Variants in TAFA5 observed in about 807,000 individuals in gnomAD.
The protein encoded by TAFA5 is TAFA chemokine like family member 5, also known as chemokine-like protein TAFA-5.
A neutral mutation model predicts 15.3 loss-of-function variants in TAFA5; 6 were observed. The observed-to-expected ratio is 0.39, with a 90% CI of 0.21 to 0.77. The LOEUF (loss-of-function observed/expected upper bound fraction) is 0.77. TAFA5 is among the 30% of genes least tolerant of loss of function. The pLI, the probability that TAFA5 is intolerant of heterozygous loss-of-function variation, is 0.41. For synonymous variants in TAFA5, 103 were observed against 80.7 expected, an observed-to-expected ratio of 1.28 and a Z score of -1.48; for missense variants, 161 against 193.1, an observed-to-expected ratio of 0.83 and a Z score of 0.98.
intron 2 of TAFA5, among the ~76,000 whole-genome samples, chr22:48,689,120 C>G (rs951020531): frequency 6.6e-6 from 1 of 152,126 alleles, no homozygotes; most frequent in African/African-American, 2.4e-5. Context: ...ACCTGCCTCC[C>G]AGGAGGACCC....
At chr22:48,542,638 A>ATGTGTGTGTGGTG (rs1569019339) in intron 1 of TAFA5, among the ~76,000 whole-genome samples, 3 of 84,880 alleles carry the variant, frequency 3.5e-5, no homozygotes, top group African/African-American at 1.5e-4. Flanking sequence ...TGGGTGTGTG[A>ATGTGTGTGTGGTG]TGTGTGTGTG....
At chr22:48,583,913 C>T (rs2147149888) in intron 1 of TAFA5, among the ~76,000 whole-genome samples, 1 of 143,808 alleles carries the variant, frequency 7.0e-6, no homozygotes, top group Non-Finnish European at 1.5e-5. Context: ...AAATAAACCT[C>T]ATACACCACA....
intron 2 of TAFA5, among the ~76,000 whole-genome samples, chr22:48,672,031 T>C (rs1176080777): frequency 6.6e-6 from 1 of 152,232 alleles, no homozygotes; most frequent in Non-Finnish European, 1.5e-5. Context: ...AGGGTGTTTG[T>C]AACACTGCTT....
chr22:48,697,335 CAGT>C (rs1601680111), intron 2 of TAFA5, among the ~76,000 whole-genome samples: 2 of 150,060 alleles, frequency 1.3e-5, no homozygotes, highest in East Asian at 3.9e-4. Flanking sequence ...GTTATGGTGA[CAGT>C]GGTGATGATG....
At chr22:48,524,977 C>T (rs530211805) in intron 1 of TAFA5, among the ~76,000 whole-genome samples, 1 of 152,224 alleles carries the variant, frequency 6.6e-6, no homozygotes, top group East Asian at 1.9e-4. Context: ...CCTCTTCCTC[C>T]ATCTTCAGAG....
intron 1 of TAFA5, among the ~76,000 whole-genome samples, chr22:48,574,080 T>C (rs1000215230): frequency 3.9e-5 from 6 of 152,180 alleles, no homozygotes; most frequent in Non-Finnish European, 7.3e-5. Flanking sequence ...AGATCTTTCC[T>C]AGAGAATGTC....
intron 2 of TAFA5, among the ~76,000 whole-genome samples, chr22:48,706,827 G>T (rs540344480): frequency 8.5e-5 from 13 of 152,306 alleles, no homozygotes; most frequent in Non-Finnish European, 1.6e-4. Context: ...TTCCCGCAGC[G>T]AAGGTTATGT....
chr22:48,695,794 GA>G (rs906547982), intron 2 of TAFA5, among the ~76,000 whole-genome samples: 11 of 152,110 alleles, frequency 7.2e-5, no homozygotes, highest in African/African-American at 2.4e-4. Context: ...CCTGGTGCTG[GA>G]AAAAAATAGG....
intron 1 of TAFA5, among the ~76,000 whole-genome samples, chr22:48,526,543 C>G (rs552042340): frequency 3.3e-5 from 5 of 152,228 alleles, no homozygotes; most frequent in African/African-American, 1.2e-4. Flanking sequence ...CTCTGCGTGC[C>G]GGCCTCACAA....
rs984159885 is a variant in TAFA5 at position 48,552,616 on chromosome 22, T to C, written c.112+62912T>C. ...TCATCTAGAACCCCCGTCGCAGGGC[T>C]CGGAGTTGCGGGCAGGGTGGGAGAC... On this transcript the variant is annotated intron_variant, in intron 1 of 3. Coordinates refer to ENST00000402357, the MANE Select transcript of TAFA5 (RefSeq NM_001082967.3). This position sits in a 1 kb window ranked among gnomAD's most constrained non-coding sequence, Gnocchi z 4.1. Among the ~76,000 whole-genome samples the C allele has an allele frequency of 4.6e-5, 7 of 152,068 alleles. No homozygotes were observed. The highest frequency in any genetic ancestry group is 7.4e-5 in the Non-Finnish European group (5 of 67,990).
chr22:48,547,929 A>T (rs984344537), intron 1 of TAFA5, among the ~76,000 whole-genome samples: 2 of 152,208 alleles, frequency 1.3e-5, no homozygotes, highest in Admixed American at 1.3e-4. Context: ...CAGAGTGGAA[A>T]TAGGGCGGTC....
intron 1 of TAFA5, among the ~76,000 whole-genome samples, chr22:48,639,289 G>A (rs1237454661): frequency 6.6e-6 from 1 of 152,226 alleles, no homozygotes; most frequent in East Asian, 1.9e-4. Context: ...CCTCAGGCCT[G>A]CGGGGCCCCT....
chr22:48,580,559 A>C (rs1442444190), intron 1 of TAFA5, among the ~76,000 whole-genome samples: 1 of 152,036 alleles, frequency 6.6e-6, no homozygotes, highest in African/African-American at 2.4e-5. Flanking sequence ...GATGCCCTTG[A>C]GGTTTCCCAG....
chr22:48,683,882 C>T (rs946122074), intron 2 of TAFA5, among the ~76,000 whole-genome samples: 1 of 152,136 alleles, frequency 6.6e-6, no homozygotes, highest in Non-Finnish European at 1.5e-5. Flanking sequence ...TGTAGCCCCT[C>T]CCCCGTTGCC....
chr22:48,708,597 A>G (rs132240), intron 3 of TAFA5, among the ~76,000 whole-genome samples: 106,629 of 152,136 alleles, frequency 0.7, 37,551 homozygotes, highest in Middle Eastern at 0.72. Context: ...CATTCCCATG[A>G]GGTGGCCTCA....
At chr22:48,536,391 C>T (rs933736698) in intron 1 of TAFA5, among the ~76,000 whole-genome samples, 1 of 152,222 alleles carries the variant, frequency 6.6e-6, no homozygotes, top group Non-Finnish European at 1.5e-5. Context: ...AAGACGAGCC[C>T]GGAGAGGCAG....
intron 1 of TAFA5, among the ~76,000 whole-genome samples, chr22:48,531,867 C>G (rs937574334): frequency 6.6e-6 from 1 of 152,182 alleles, no homozygotes; most frequent in South Asian, 2.1e-4. Context: ...GAAGGACGGA[C>G]GGGCCTGGCA....
At chr22:48,494,844 C>T (rs1928272148) in intron 1 of TAFA5, among the ~76,000 whole-genome samples, 1 of 152,238 alleles carries the variant, frequency 6.6e-6, no homozygotes, top group African/African-American at 2.4e-5. Context: ...CTATTCTCGT[C>T]TCTCCTTCAC....
At position 48,708,798 on chromosome 22, in the gene TAFA5, C is replaced by T. The variant is rs143966547; in HGVS notation, c.390+954C>T. 3.6e-3 allele frequency among the ~76,000 whole-genome samples: 544 copies of T among 152,296 alleles called. 1 individual carries two copies. The highest frequency in any genetic ancestry group is 4.4e-3 in the Non-Finnish European group (300 of 68,014). On this transcript the variant is annotated intron_variant, in intron 3 of 3. Coordinates refer to ENST00000402357, the MANE Select transcript of TAFA5 (RefSeq NM_001082967.3). ...AGCCCCCTGGCATCCGAGCCTCCTC[C>T]CAGGATTGCACAGGGAGAGGGGGCT...
Sources: allele counts gnomAD v4.1 joint callset (sites outside exome capture counted in the v4.1 genomes callset), GRCh38; gene constraint gnomAD v4.1.1; non-coding constraint Gnocchi (gnomAD v3.1); transcripts MANE v1.5; gene names NCBI Gene and HGNC (gene_info 2026-07-23, HGNC 2026-07-21).